Variants in CSMD1 observed in about 807,000 individuals in gnomAD.
The protein encoded by CSMD1 is CUB and Sushi multiple domains 1.
In CSMD1, 213 loss-of-function variants were observed where a neutral mutation model predicts 417.5. That is an observed-to-expected ratio of 0.51 (90% CI 0.46 to 0.57). The LOEUF (loss-of-function observed/expected upper bound fraction) is 0.57, where lower values mean the gene tolerates loss of function less well. Ranked by LOEUF, CSMD1 falls within the 20% of genes least tolerant of loss-of-function variation. The pLI, the probability that CSMD1 is intolerant of heterozygous loss-of-function variation, is 0.00. For missense variants in CSMD1, 6,923 were observed against 4,529.7 expected (o/e 1.53, Z -15.17); for synonymous variants, 2,862 against 1,736.8 (o/e 1.65, Z -16.11).
chr8:4,811,683 T>C (rs886500705), intron 1 of CSMD1, among the ~76,000 whole-genome samples: 1 of 152,138 alleles, frequency 6.6e-6, no homozygotes, highest in African/African-American at 2.4e-5. Context: ...TATTGGCTCA[T>C]TGAGTCACAG....
At chr8:3,142,819 T>C in intron 40 of CSMD1, 145 bp from the exon 41 acceptor site, 1 of 742,772 alleles carries the variant, frequency 1.3e-6, no homozygotes, top group East Asian at 2.6e-5. Context: ...CGGCATTCAC[T>C]GTGGATGACA....
chr8:4,188,597 G>A (rs1316793945), intron 3 of CSMD1, among the ~76,000 whole-genome samples: 9 of 152,154 alleles, frequency 5.9e-5, no homozygotes, highest in Non-Finnish European at 7.4e-5. Context: ...ACAGTTCACT[G>A]CAAGCTTAAG....
At chr8:3,154,699 G>T (rs1368464415) in intron 39 of CSMD1, among the ~76,000 whole-genome samples, 2 of 152,078 alleles carry the variant, frequency 1.3e-5, no homozygotes, top group Non-Finnish European at 2.9e-5. Context: ...AGACCATTCT[G>T]GGGCTTGTTA....
intron 48 of CSMD1, among the ~76,000 whole-genome samples, chr8:3,088,902 C>A (rs1169220719): frequency 2.0e-5 from 3 of 150,708 alleles, no homozygotes; most frequent in East Asian, 1.9e-4. Context: ...ACTGTAGATT[C>A]CTCTCCAAAG....
chr8:3,764,700 C>T (rs1798175387), intron 5 of CSMD1, among the ~76,000 whole-genome samples: 1 of 150,646 alleles, frequency 6.6e-6, no homozygotes, highest in Non-Finnish European at 1.5e-5. Context: ...CCTGAAAATT[C>T]ATGGGGAAGC....
At chr8:4,792,125 C>T (rs996223402) in intron 1 of CSMD1, among the ~76,000 whole-genome samples, 1 of 152,098 alleles carries the variant, frequency 6.6e-6, no homozygotes, top group Non-Finnish European at 1.5e-5. Flanking sequence ...CTAACAGAAT[C>T]TCTCTCCTTA....
chr8:3,497,746 T>C (rs1490801435), intron 10 of CSMD1, among the ~76,000 whole-genome samples: 2 of 152,226 alleles, frequency 1.3e-5, no homozygotes, highest in Non-Finnish European at 2.9e-5. Flanking sequence ...TTAAATTATA[T>C]TGTCACTTGG....
chr8:4,135,130 C>G (rs1803340424), intron 3 of CSMD1, among the ~76,000 whole-genome samples: 1 of 152,122 alleles, frequency 6.6e-6, no homozygotes, highest in Non-Finnish European at 1.5e-5. Context: ...TTGACGCACA[C>G]AAAATATTGT....
intron 26 of CSMD1, among the ~76,000 whole-genome samples, chr8:3,259,178 A>T (rs1279366926): frequency 6.6e-6 from 1 of 152,206 alleles, no homozygotes; most frequent in Non-Finnish European, 1.5e-5. Flanking sequence ...ATTAGTATGG[A>T]CTCATATTCC....
intron 1 of CSMD1, among the ~76,000 whole-genome samples, chr8:4,952,216 T>C (rs960176997): frequency 1.3e-5 from 2 of 151,956 alleles, no homozygotes. Context: ...AATAAAGCCA[T>C]GTTTGCTCCG....
chr8:4,318,875 C>G (rs1182999577), intron 3 of CSMD1, among the ~76,000 whole-genome samples: 1 of 152,174 alleles, frequency 6.6e-6, no homozygotes, highest in Non-Finnish European at 1.5e-5. Flanking sequence ...CATCAGAGAT[C>G]TGTCCTAAAT....
intron 26 of CSMD1, among the ~76,000 whole-genome samples, chr8:3,238,089 G>A (rs1013814947): frequency 4.6e-5 from 7 of 151,970 alleles, no homozygotes; most frequent in African/African-American, 9.7e-5. Flanking sequence ...TCCGAAAAGA[G>A]AGTCACCGAA....
At chr8:3,294,566 T>TCA (rs199931168) in intron 25 of CSMD1, among the ~76,000 whole-genome samples, 75,026 of 151,804 alleles carry the variant, frequency 0.49, 20,828 homozygotes, top group South Asian at 0.63. Flanking sequence ...CAGTTTGATC[T>TCA]GACTGCTGTG....
At chr8:3,864,620 A>G (rs1804955506) in intron 5 of CSMD1, among the ~76,000 whole-genome samples, 1 of 152,136 alleles carries the variant, frequency 6.6e-6, no homozygotes, top group Admixed American at 6.5e-5. Context: ...CCTCCCCAGT[A>G]ACCCCATCCC....
intron 4 of CSMD1, among the ~76,000 whole-genome samples, chr8:4,016,096 G>A (rs1053650350): frequency 6.6e-6 from 1 of 152,084 alleles, no homozygotes; most frequent in Non-Finnish European, 1.5e-5. Context: ...TATTTACCAG[G>A]AAATTTTGGG....
intron 18 of CSMD1, among the ~76,000 whole-genome samples, chr8:3,371,151 T>C (rs1301434885): frequency 6.6e-6 from 1 of 152,150 alleles, no homozygotes; most frequent in East Asian, 1.9e-4. Context: ...GCCACTGGCT[T>C]TTCCAGATGT....
In CSMD1 at chr8:4,231,091, G is replaced by A. The variant is rs779165360; in HGVS notation, c.415+188862C>T. On this transcript the variant is annotated intron_variant, in intron 3 of 69. Coordinates refer to ENST00000635120, the MANE Select transcript of CSMD1 (RefSeq NM_033225.6). Reference sequence around the variant, plus strand: ...TTTTACAAGGGTTATCCTAAATTAAGCATTTCTCCACCAAGGATATATGTT... The same window carrying A: ...TTTTACAAGGGTTATCCTAAATTAAACATTTCTCCACCAAGGATATATGTT... Among the ~76,000 whole-genome samples the A allele has an allele frequency of 2.0e-5, 3 of 152,152 alleles. No homozygotes were observed. The East Asian group carries it at 5.8e-4, about 29-fold the overall frequency.
chr8:4,254,063 C>T (rs1350883751), intron 3 of CSMD1, among the ~76,000 whole-genome samples: 1 of 151,674 alleles, frequency 6.6e-6, no homozygotes, highest in African/African-American at 2.4e-5. Context: ...ACTACTGGTG[C>T]CCACCACCAC....
chr8:3,219,177 A>G (rs1798059059), intron 29 of CSMD1, 78 bp downstream of exon 29: 1 of 1,173,032 alleles, frequency 8.5e-7, no homozygotes, highest in African/African-American at 1.5e-5. Context: ...GACAAGCAAG[A>G]TGTTACAAAG....
Sources: allele counts gnomAD v4.1 joint callset (sites outside exome capture counted in the v4.1 genomes callset), GRCh38; gene constraint gnomAD v4.1.1; transcripts MANE v1.5; gene names NCBI Gene and HGNC (gene_info 2026-07-23, HGNC 2026-07-21).